EPB41L4B: variants seen among roughly 807,000 people sequenced by gnomAD.
EPB41L4B encodes the protein erythrocyte membrane protein band 4.1 like 4B.
In EPB41L4B, 30 loss-of-function variants were observed where a neutral mutation model predicts 112.5. The ratio of observed to expected loss-of-function variants is 0.27; its 90% CI spans 0.20 to 0.36. The LOEUF is 0.36. Ranked by LOEUF, EPB41L4B falls within the 10% of genes least tolerant of loss-of-function variation. EPB41L4B has a pLI of 1.00. For missense variants in EPB41L4B, 1,024 were observed against 1,133.3 expected (o/e 0.90, Z 1.38); for synonymous variants, 408 against 439.7 (o/e 0.93, Z 0.90).
intron 1 of EPB41L4B, among the ~76,000 whole-genome samples, chr9:109,299,336 T>A (rs1836866735): frequency 6.6e-6 from 1 of 152,178 alleles, no homozygotes; most frequent in Admixed American, 6.5e-5. Context: ...AGTACAGTGG[T>A]GCCATCATGG....
intron 15 of EPB41L4B, among the ~76,000 whole-genome samples, chr9:109,237,876 A>G (rs1240147566): frequency 6.6e-6 from 1 of 152,032 alleles, no homozygotes; most frequent in Non-Finnish European, 1.5e-5. Context: ...GTGTGGTGGT[A>G]ATGCAGATGG....
At position 109,172,769 on chromosome 9, in the gene EPB41L4B, C is replaced by T. The variant is rs1313978452; in HGVS notation, c.*1785G>A. On this transcript the variant is annotated 3_prime_UTR_variant, in exon 26 of 26. Transcript: ENST00000374566. ...ATATTAAAATTTTAAAGATTCAGCACTTAAAGGGTTAATCCTCGGTTATCT... is the reference window on the plus strand; with the variant it reads ...ATATTAAAATTTTAAAGATTCAGCATTTAAAGGGTTAATCCTCGGTTATCT... The T allele has an allele frequency of 1.3e-5, 2 of 152,698 alleles. No individual in the cohort carries two copies. The highest frequency in any genetic ancestry group is 3.4e-3 in the Middle Eastern group (1 of 294). The allele number at this position is 152,698 out of a possible 1,614,324, so 9.5% of individuals were successfully genotyped here.
At chr9:109,309,167 A>G (rs753444134) in intron 1 of EPB41L4B, among the ~76,000 whole-genome samples, 1 of 152,212 alleles carries the variant, frequency 6.6e-6, no homozygotes, top group African/African-American at 2.4e-5. Flanking sequence ...CCACAAACTG[A>G]TAAGTACGGA....
At chr9:109,314,504 C>A (rs1164605020) in intron 1 of EPB41L4B, among the ~76,000 whole-genome samples, 1 of 152,018 alleles carries the variant, frequency 6.6e-6, no homozygotes, top group Non-Finnish European at 1.5e-5. Flanking sequence ...AGGCTGCGGC[C>A]CCTTCCCCCT....
At chr9:109,307,817 C>A (rs1312285960) in intron 1 of EPB41L4B, among the ~76,000 whole-genome samples, 1 of 148,272 alleles carries the variant, frequency 6.7e-6, no homozygotes, top group African/African-American at 2.4e-5. Context: ...GAACCCTGGT[C>A]GCTTTCAGAA....
rs771726241 is a variant in EPB41L4B at position 109,267,441 on chromosome 9, T to C, written c.533+32A>G. The C allele has an allele frequency of 5.4e-6, 8 of 1,481,634 alleles. No individual in the cohort carries two copies. The East Asian group carries it at 9.1e-5, about 17-fold the overall frequency. The allele number at this position is 1,481,634 out of a possible 1,614,324, so 91.8% of individuals were successfully genotyped here. On this transcript the variant is annotated intron_variant, in intron 4 of 25. Transcript: ENST00000374566. ...AAATGACATGTAAGGCAAGCCCTGC[T>C]GGGCGGGAGCTTGTTCTGCATCGTG...
chr9:109,217,181 A>G, intron 15 of EPB41L4B, 36 bp from the exon 16 acceptor site: 1 of 1,599,712 alleles, frequency 6.3e-7, no homozygotes, highest in Non-Finnish European at 8.6e-7. Flanking sequence ...TTAGAAAAGC[A>G]GAATGCCTTG....
At chr9:109,261,770 T>C (rs974565555) in intron 6 of EPB41L4B, among the ~76,000 whole-genome samples, 2 of 152,202 alleles carry the variant, frequency 1.3e-5, no homozygotes, top group African/African-American at 4.8e-5. Context: ...GGTGGGTTGT[T>C]GTCCTGATAT....
chr9:109,302,958 G>GCAGT (rs1837031457), intron 1 of EPB41L4B, among the ~76,000 whole-genome samples: 1 of 151,936 alleles, frequency 6.6e-6, no homozygotes, highest in African/African-American at 2.4e-5. Context: ...GCATGCGCCT[G>GCAGT]CAGTCCCAGC....
At chr9:109,187,360 C>T (rs1832305045) in intron 22 of EPB41L4B, among the ~76,000 whole-genome samples, 1 of 152,090 alleles carries the variant, frequency 6.6e-6, no homozygotes, top group Admixed American at 6.6e-5. Flanking sequence ...TCACAATGGT[C>T]TTCACGATGG....
At position 109,217,103 on chromosome 9, in the gene EPB41L4B, C is replaced by T. The variant is rs201974247; in HGVS notation, c.1452G>A (p.Leu484=). Residue 484 remains leucine (L), a synonymous_variant, in exon 16 of 26, where the codon TTG becomes TTA. Coordinates refer to ENST00000374566, the MANE Select transcript of EPB41L4B (RefSeq NM_019114.5). ...PSPVLSSSDR[L]PFGIEENGGT... is the part of the protein sequence containing the mutation. ...CCCCATTCTCCTCAATGCCAAAAGG[C>T]AACCGGTCCGAGCTGCTAAGCACTG... The T allele has an allele frequency of 2.0e-5, 33 of 1,614,182 alleles. No homozygotes were observed. In the East Asian group the frequency reaches 7.1e-4, roughly 35 times the overall value.
chr9:109,196,032 T>C (rs1341626925), intron 20 of EPB41L4B, among the ~76,000 whole-genome samples: 1 of 152,114 alleles, frequency 6.6e-6, no homozygotes, highest in Non-Finnish European at 1.5e-5. Flanking sequence ...TTTAACAATA[T>C]ATAAGCATAG....
intron 1 of EPB41L4B, among the ~76,000 whole-genome samples, chr9:109,308,185 T>C (rs1837287130): frequency 2.0e-5 from 3 of 151,574 alleles, no homozygotes; most frequent in Admixed American, 6.6e-5. Context: ...GCCTCCCGAG[T>C]ATGTGAAGGG....
At chr9:109,200,957 T>C (rs1284600191) in intron 19 of EPB41L4B, among the ~76,000 whole-genome samples, 12 of 152,198 alleles carry the variant, frequency 7.9e-5, no homozygotes, top group Admixed American at 7.2e-4. Context: ...CTACTCAAAA[T>C]AGTAATTTTA....
At chr9:109,241,113 T>C (rs1834339049) in intron 15 of EPB41L4B, 2 of 985,698 alleles carry the variant, frequency 2.0e-6, no homozygotes, top group Non-Finnish European at 2.4e-6. Context: ...TTTGAATGTA[T>C]GTCCTCAACC....
chr9:109,200,143 C>A, intron 20 of EPB41L4B, 93 bp downstream of exon 20: 1 of 1,040,074 alleles, frequency 9.6e-7, no homozygotes. Flanking sequence ...GGGCTGCTCC[C>A]TGGGACTAGT....
rs114829227 is a variant in EPB41L4B, at chr9:109,197,478, G to C, written c.2045+2758C>G. ...GATGGGCAAATGAGCGGTAGCCAGCGTCAAGGATTCGAGAACTCTTTATGG... is the reference window on the plus strand; with the variant it reads ...GATGGGCAAATGAGCGGTAGCCAGCCTCAAGGATTCGAGAACTCTTTATGG... On this transcript the variant is annotated intron_variant, in intron 20 of 25. Transcript: ENST00000374566. Among the ~76,000 whole-genome samples, 1,183 of 151,992 alleles carry C rather than the reference G, an allele frequency of 7.8e-3. 12 individuals are homozygous for C. Among genetic ancestry groups the C allele is most frequent in the African/African-American group, 0.027 (1,116 of 41,490 alleles).
At chr9:109,200,191 T>C (rs1216371085) in intron 20 of EPB41L4B, 45 bp downstream of exon 20, 10 of 1,467,862 alleles carry the variant, frequency 6.8e-6, no homozygotes, top group Non-Finnish European at 9.5e-6. Flanking sequence ...AAACAATTAG[T>C]CATCATAGTT....
At chr9:109,243,710 T>C (rs1420505899) in intron 14 of EPB41L4B, 28 bp from the exon 15 acceptor site, 1 of 1,606,800 alleles carries the variant, frequency 6.2e-7, no homozygotes. Flanking sequence ...AACTTGATTA[T>C]TTGATGACCT....
Sources: allele counts gnomAD v4.1 joint callset (sites outside exome capture counted in the v4.1 genomes callset), GRCh38; gene constraint gnomAD v4.1.1; transcripts MANE v1.5; gene names NCBI Gene and HGNC (gene_info 2026-07-23, HGNC 2026-07-21).